PDHX: variants seen among roughly 807,000 people sequenced by gnomAD.
The protein encoded by PDHX is pyruvate dehydrogenase protein X component, mitochondrial.
PDHX carries 33 observed loss-of-function variants against 55.3 expected under a neutral mutation model. The ratio of observed to expected loss-of-function variants is 0.60; its 90% confidence interval spans 0.45 to 0.80. PDHX has a LOEUF of 0.80. Ranked by LOEUF, PDHX falls within the 30% of genes least tolerant of loss-of-function variation. PDHX has a pLI of 0.00. For synonymous variants in PDHX, 226 were observed against 219.4 expected, an observed-to-expected ratio of 1.03 and a Z score of -0.27; for missense variants, 622 against 619.9, an observed-to-expected ratio of 1.00 and a Z score of -0.04.
intron 8 of PDHX, among the ~76,000 whole-genome samples, chr11:34,981,499 C>A (rs1855512969): frequency 6.6e-6 from 1 of 152,174 alleles, no homozygotes; most frequent in African/African-American, 2.4e-5. Context: ...GATTTATAAT[C>A]TTTTGGGTAT....
chr11:34,984,872 CAT>C, intron 9 of PDHX, 144 bp downstream of exon 9: 2 of 784,368 alleles, frequency 2.5e-6, no homozygotes, highest in Non-Finnish European at 2.2e-6. Context: ...GTGATTGTCA[CAT>C]ATATATAGGT....
At chr11:34,959,874 G>A (rs766036208) in intron 4 of PDHX, among the ~76,000 whole-genome samples, 1 of 152,086 alleles carries the variant, frequency 6.6e-6, no homozygotes, top group Non-Finnish European at 1.5e-5. Context: ...CAAAGAGAAT[G>A]GTTACCAGGG....
chr11:34,937,005 A>G (rs940504755), intron 2 of PDHX, among the ~76,000 whole-genome samples: 2 of 151,886 alleles, frequency 1.3e-5, no homozygotes, highest in Non-Finnish European at 2.9e-5. Context: ...GCTGGTCTCG[A>G]ATTTCTGACC....
At chr11:34,953,278 A>G (rs899877093) in intron 3 of PDHX, among the ~76,000 whole-genome samples, 2 of 152,148 alleles carry the variant, frequency 1.3e-5, no homozygotes, top group Non-Finnish European at 2.9e-5. Context: ...AAGGTAATTT[A>G]TAGATTCAAT....
rs558284287 is a variant in PDHX at position 34,966,673 on chromosome 11, G to A, written c.675G>A (p.Thr225=). 1.4e-5 allele frequency: 22 copies of A among 1,613,716 alleles called. No homozygotes were observed. The highest frequency in any genetic ancestry group is 6.7e-5 in the East Asian group (3 of 44,870). ...TCAAACTTGTCCAGTTGAAACAAACGGGCAAGATTACCGAGTCCAGACCAA... is the reference window on the plus strand; with the variant it reads ...TCAAACTTGTCCAGTTGAAACAAACAGGCAAGATTACCGAGTCCAGACCAA... The part of the protein sequence containing the change: ...DALKLVQLKQ[T]GKITESRPTP... Residue 225 remains threonine, a synonymous_variant, in exon 6 of 11, where the codon ACG becomes ACA. Coordinates refer to ENST00000227868, the MANE Select transcript of PDHX (RefSeq NM_003477.3).
At chr11:34,927,306 C>G (rs1854049652) in intron 1 of PDHX, among the ~76,000 whole-genome samples, 1 of 152,034 alleles carries the variant, frequency 6.6e-6, no homozygotes, top group African/African-American at 2.4e-5. Flanking sequence ...AAACTACTTA[C>G]CTGTAGTTGT....
intron 2 of PDHX, among the ~76,000 whole-genome samples, chr11:34,935,874 C>G (rs1854297398): frequency 6.6e-6 from 1 of 152,094 alleles, no homozygotes; most frequent in African/African-American, 2.4e-5. Context: ...CCAGGGTATC[C>G]TAATGTGATT....
intron 1 of PDHX, among the ~76,000 whole-genome samples, chr11:34,929,202 T>G (rs1854097710): frequency 6.6e-6 from 1 of 152,212 alleles, no homozygotes. Context: ...CTCTTATGCA[T>G]TTGAAATATT....
intron 5 of PDHX, 47 bp from the exon 6 acceptor site, chr11:34,966,593 T>G (rs772170991): frequency 6.4e-7 from 1 of 1,570,374 alleles, no homozygotes; most frequent in South Asian, 1.1e-5. Context: ...AGTTCTGTTA[T>G]ATTCCTTATT....
intron 1 of PDHX, among the ~76,000 whole-genome samples, chr11:34,919,297 G>A (rs12276735): frequency 0.19 from 28,832 of 152,114 alleles, 3,899 homozygotes; most frequent in African/African-American, 0.39. Flanking sequence ...TTACGGTGGT[G>A]TTTTTTCTCT....
At chr11:34,922,598 T>C (rs1048876480) in intron 1 of PDHX, among the ~76,000 whole-genome samples, 2 of 152,152 alleles carry the variant, frequency 1.3e-5, no homozygotes, top group African/African-American at 4.8e-5. Context: ...CATTTTTGCT[T>C]TTTTTAAAAA....
chr11:34,983,934 C>T (rs920627261), intron 8 of PDHX, among the ~76,000 whole-genome samples: 3 of 152,158 alleles, frequency 2.0e-5, no homozygotes, highest in Non-Finnish European at 4.4e-5. Context: ...TTTTAAAGTT[C>T]ATATGGAACC....
intron 1 of PDHX, among the ~76,000 whole-genome samples, chr11:34,919,714 C>G (rs542936930): frequency 1.3e-5 from 2 of 152,320 alleles, no homozygotes; most frequent in East Asian, 3.9e-4. Flanking sequence ...GTATCATTCT[C>G]TCAACAGATT....
chr11:34,922,492 A>G (rs1853907777), intron 1 of PDHX, among the ~76,000 whole-genome samples: 1 of 152,172 alleles, frequency 6.6e-6, no homozygotes, highest in African/African-American at 2.4e-5. Flanking sequence ...ACCATAGTCT[A>G]CCTCAGTATC....
At chr11:34,959,169 A>C (rs1854966280) in intron 4 of PDHX, among the ~76,000 whole-genome samples, 1 of 151,918 alleles carries the variant, frequency 6.6e-6, no homozygotes, top group Non-Finnish European at 1.5e-5. Flanking sequence ...ATGTAATCTG[A>C]GGTATCCTAT....
intron 6 of PDHX, among the ~76,000 whole-genome samples, chr11:34,969,766 TTGTG>T (rs375507777): frequency 3.6e-4 from 54 of 152,006 alleles, no homozygotes; most frequent in Non-Finnish European, 6.8e-4. Context: ...ATATTGCTCC[TTGTG>T]TGTGTGTGGT....
intron 7 of PDHX, chr11:34,977,777 C>CAG (rs1410956465): frequency 2.2e-6 from 1 of 461,504 alleles, no homozygotes; most frequent in Non-Finnish European, 4.3e-6. Flanking sequence ...GCACACACCA[C>CAG]AGAGAGATCA....
intron 2 of PDHX, among the ~76,000 whole-genome samples, chr11:34,939,829 A>G (rs994083981): frequency 1.3e-5 from 2 of 152,206 alleles, no homozygotes; most frequent in African/African-American, 2.4e-5. Context: ...AGGATTGACT[A>G]AAACCTTATA....
chr11:34,984,809 A>G, intron 9 of PDHX, 81 bp downstream of exon 9: 2 of 1,329,766 alleles, frequency 1.5e-6, no homozygotes, highest in East Asian at 2.3e-5. Flanking sequence ...TTGTGACGTA[A>G]TCTAGTCAGA....
Sources: allele counts gnomAD v4.1 joint callset (sites outside exome capture counted in the v4.1 genomes callset), GRCh38; gene constraint gnomAD v4.1.1; transcripts MANE v1.5; gene names NCBI Gene and HGNC (gene_info 2026-07-23, HGNC 2026-07-21).